GLB1: variants seen among roughly 807,000 people sequenced by gnomAD.
GLB1 encodes the protein beta-galactosidase.
A neutral mutation model predicts 74.0 loss-of-function variants in GLB1; 56 were observed. That is an observed-to-expected ratio of 0.76 (90% CI 0.61 to 0.94). GLB1 has a LOEUF of 0.94. GLB1 is among the 40% of genes least tolerant of loss of function. The probability of loss-of-function intolerance (pLI) is 0.00; values close to 1 mark genes in which losing one functional copy is unlikely to be tolerated. For missense variants in GLB1, 787 were observed against 845.5 expected (o/e 0.93, Z 0.86); for synonymous variants, 323 against 323.6 (o/e 1.00, Z 0.02).
At position 32,997,268 on chromosome 3, in the gene GLB1, G is replaced by T; in HGVS notation, c.1811C>A (p.Pro604His). The part of the protein sequence containing the change: ...ARGPQLTLFV[P>H]QHILMTSAPN... Reference sequence around the variant, plus strand: ...GGCCGAGGTCATCAGGATGTGCTGGGGCACAAACAAGGTCAACTGAGGGCC... The same window carrying T: ...GGCCGAGGTCATCAGGATGTGCTGGTGCACAAACAAGGTCAACTGAGGGCC... Residue 604 changes from proline (P) to histidine (H), a missense_variant, in exon 16 of 16, where the codon CCC becomes CAC. Transcript: ENST00000307363. 6.2e-7 allele frequency: 1 copy of T among 1,614,164 alleles called. No homozygotes were observed. The highest frequency in any genetic ancestry group is 2.2e-5 in the East Asian group (1 of 44,872).
chr3:32,996,979 G>A lies in GLB1; in HGVS notation c.*66C>T. ...TCCACATTCCAATCAGTGAAATGTG[G>A]CATGACAGGGAGGATCTGTGAGGTA... is the stretch of plus-strand genomic sequence containing the variant. On this transcript the variant is annotated 3_prime_UTR_variant, in exon 16 of 16. Transcript: ENST00000307363. 6.2e-7 allele frequency: 1 copy of A among 1,612,488 alleles called. No individual in the cohort carries two copies. Among genetic ancestry groups the A allele is most frequent in the African/African-American group, 1.3e-5 (1 of 74,948 alleles).
intron 15 of GLB1, among the ~76,000 whole-genome samples, chr3:33,001,711 C>A (rs9310999): frequency 0.21 from 32,562 of 152,124 alleles, 3,831 homozygotes; most frequent in Admixed American, 0.3. Flanking sequence ...TCAATATACA[C>A]TTAGTAGCAC....
intron 10 of GLB1, chr3:33,033,778 C>CAAA (rs60962107): frequency 6.0e-4 from 108 of 180,970 alleles, no homozygotes; most frequent in Middle Eastern, 2.1e-3. Context: ...GAGACTGTCT[C>CAAA]AAAAAAAAAA....
chr3:33,033,760 GAC>G (rs1698153558), intron 10 of GLB1: 1 of 277,950 alleles, frequency 3.6e-6, no homozygotes. Flanking sequence ...CAGCCTGGGT[GAC>G]AGAGCGAGAC....
At chr3:33,003,164 G>T (rs1696647775) in intron 15 of GLB1, among the ~76,000 whole-genome samples, 1 of 152,162 alleles carries the variant, frequency 6.6e-6, no homozygotes, top group African/African-American at 2.4e-5. Flanking sequence ...TTTTGGGACA[G>T]GTCCAAATAG....
In GLB1 at chr3:33,018,451, A is replaced by G. The variant is rs750250751; in HGVS notation, c.1344T>C (p.Asp448=). The G allele has an allele frequency of 6.2e-7, 1 of 1,614,086 alleles. No homozygotes were observed. The highest frequency in any genetic ancestry group is 1.7e-5 in the Admixed American group (1 of 60,008). ...GVHDRAYVAV[D]GIPQGVLERN... ...ACAGTTCAGAGACGATTCTTACCCC[A>G]TCCACAGCAACATATGCTCGATCGT... Residue 448 remains aspartate (D), a synonymous_variant, in exon 13 of 16, where the codon GAT becomes GAC. Coordinates refer to ENST00000307363, the MANE Select transcript of GLB1 (RefSeq NM_000404.4).
At chr3:32,990,975 AAAT>A in the GLB1 span, among the ~76,000 whole-genome samples, 22 of 151,950 alleles carry the variant, frequency 1.4e-4, no homozygotes, top group African/African-American at 4.4e-4. Context: ...CTCTGTCTAA[AAAT>A]AATAATAATA....
chr3:33,036,228 G>A (rs1698270905), intron 10 of GLB1, among the ~76,000 whole-genome samples: 1 of 152,164 alleles, frequency 6.6e-6, no homozygotes, highest in Non-Finnish European at 1.5e-5. Flanking sequence ...GAAGGATTGA[G>A]GGTGATGGTG....
chr3:33,021,234 A>C, intron 12 of GLB1: 1 of 372,412 alleles, frequency 2.7e-6, no homozygotes, highest in Non-Finnish European at 5.1e-6. Context: ...TTTGAGTATT[A>C]AAACAGTGAT....
the GLB1 span, among the ~76,000 whole-genome samples, chr3:32,979,801 G>C: frequency 6.9e-6 from 1 of 145,616 alleles, no homozygotes; most frequent in Non-Finnish European, 1.5e-5. Context: ...GCAGTGAGTT[G>C]TGATGGTGCC....
chr3:33,033,497 AAG>A lies in GLB1; in HGVS notation c.1069-9174_1069-9173del, dbSNP rs1254239202. ...AAACATTGTTGCTAAAAAAGGTGAT[AAG>A]AGGCTAGGCGGGGTGGCTCACGCCT... is the stretch of plus-strand genomic sequence containing the variant. On this transcript the variant is annotated intron_variant, in intron 10 of 15. Transcript: ENST00000307363. Among the ~76,000 whole-genome samples, 55 of 152,254 alleles carry A rather than the reference AAG, an allele frequency of 3.6e-4. 1 individual carries two copies. The highest frequency in any genetic ancestry group is 1.2e-3 in the African/African-American group (51 of 41,548).
At position 33,013,955 on chromosome 3, in the gene GLB1, A is replaced by G. The variant is rs1249760239; in HGVS notation, c.1734+101T>C. 5 of 1,591,710 alleles carry G rather than the reference A, an allele frequency of 3.1e-6. No homozygotes were observed. The African/African-American group carries it at 6.7e-5, about 21-fold the overall frequency. On this transcript the variant is annotated intron_variant, in intron 15 of 15. Coordinates refer to ENST00000307363, the MANE Select transcript of GLB1 (RefSeq NM_000404.4). ...TGTCCGAAACGCCACACTCAAAACCATCACACGATATCTCACTAACAGCTC... is the reference window on the plus strand; with the variant it reads ...TGTCCGAAACGCCACACTCAAAACCGTCACACGATATCTCACTAACAGCTC...
chr3:33,001,340 C>A (rs9310998), intron 15 of GLB1, among the ~76,000 whole-genome samples: 32,565 of 151,962 alleles, frequency 0.21, 3,812 homozygotes, highest in Admixed American at 0.3. Context: ...GCCTCAGCTT[C>A]CCGAGAAGCT....
chr3:32,980,852 A>T, the GLB1 span, among the ~76,000 whole-genome samples: 8 of 152,014 alleles, frequency 5.3e-5, no homozygotes, highest in African/African-American at 1.9e-4. Context: ...GCACTTTGGG[A>T]GGCTGAGGCA....
At chr3:33,024,135 C>G in intron 11 of GLB1, 116 bp downstream of exon 11, 1 of 1,218,980 alleles carries the variant, frequency 8.2e-7, no homozygotes, top group Non-Finnish European at 1.2e-6. Flanking sequence ...AAAACAAATT[C>G]GCAGAAAAAT....
chr3:33,095,431 CAGG>C (rs770789037), intron 1 of GLB1, among the ~76,000 whole-genome samples: 25 of 152,172 alleles, frequency 1.6e-4, no homozygotes, highest in Non-Finnish European at 2.9e-4. Context: ...GAGGCTGAGG[CAGG>C]AGAATGGCGT....
intron 9 of GLB1, among the ~76,000 whole-genome samples, chr3:33,047,135 C>T (rs998881226): frequency 6.6e-6 from 1 of 152,212 alleles, no homozygotes; most frequent in Non-Finnish European, 1.5e-5. Context: ...AATCAATAAG[C>T]TTTCTACCAG....
At chr3:32,976,716 T>C in the GLB1 span, among the ~76,000 whole-genome samples, 10 of 152,144 alleles carry the variant, frequency 6.6e-5, no homozygotes, top group African/African-American at 2.4e-4. Context: ...CCTCAGAAGC[T>C]GGATGTGGAG....
At chr3:33,065,640 G>C in intron 4 of GLB1, 83 bp from the exon 5 acceptor site, 1 of 1,471,372 alleles carries the variant, frequency 6.8e-7, no homozygotes, top group East Asian at 2.5e-5. Context: ...TTTGAATGTG[G>C]CCCAACACAA....
Sources: allele counts gnomAD v4.1 joint callset (sites outside exome capture counted in the v4.1 genomes callset), GRCh38; gene constraint gnomAD v4.1.1; transcripts MANE v1.5; gene names NCBI Gene and HGNC (gene_info 2026-07-23, HGNC 2026-07-21).